TRAPPC10: variants seen among roughly 807,000 people sequenced by gnomAD.
TRAPPC10 encodes trafficking protein particle complex subunit 10.
A neutral mutation model predicts 125.5 loss-of-function variants in TRAPPC10; 23 were observed. The ratio of observed to expected loss-of-function variants is 0.18; its 90% CI spans 0.13 to 0.26. TRAPPC10 has a LOEUF of 0.26. TRAPPC10 is among the 10% of genes least tolerant of loss of function. The probability of loss-of-function intolerance (pLI) is 1.00; values close to 1 mark genes in which losing one functional copy is unlikely to be tolerated. For synonymous variants in TRAPPC10, 509 were observed against 518.0 expected (o/e 0.98, Z 0.24); for missense variants, 1,123 against 1,308.4 (o/e 0.86, Z 2.19).
intron 7 of TRAPPC10, among the ~76,000 whole-genome samples, chr21:44,067,869 C>T (rs1217874699): frequency 1.3e-5 from 2 of 152,094 alleles, no homozygotes; most frequent in Non-Finnish European, 2.9e-5. Flanking sequence ...AGCCTGTAAT[C>T]CTGGCACTTT....
At chr21:44,056,824 A>G (rs561775236) in intron 5 of TRAPPC10, among the ~76,000 whole-genome samples, 21 of 152,172 alleles carry the variant, frequency 1.4e-4, no homozygotes, top group African/African-American at 5.1e-4. Context: ...TGAAATTCCA[A>G]TGAGGGCTAT....
chr21:44,088,175 C>T, intron 17 of TRAPPC10: 1 of 542,438 alleles, frequency 1.8e-6, no homozygotes, highest in Non-Finnish European at 3.3e-6. Flanking sequence ...AGGGAGTTTG[C>T]TGTAAGAGGT....
intron 7 of TRAPPC10, among the ~76,000 whole-genome samples, chr21:44,067,604 T>C (rs897200033): frequency 6.6e-6 from 1 of 151,406 alleles, no homozygotes; most frequent in Non-Finnish European, 1.5e-5. Flanking sequence ...GGGATGGGGG[T>C]GCACATAAAT....
intron 1 of TRAPPC10, among the ~76,000 whole-genome samples, chr21:44,018,370 CT>C (rs58479261): frequency 0.035 from 5,353 of 151,858 alleles, 322 homozygotes; most frequent in African/African-American, 0.12. Flanking sequence ...GTACCTCACA[CT>C]GCAACCTGGG....
chr21:44,032,180 T>G lies in TRAPPC10; in HGVS notation c.149+8T>G. ...ACCAATGGAATGGAGAAGGTATGAG[T>G]TGTGTGTTTTTTGGCTGTATCCCTC... On this transcript the variant is annotated splice_region_variant and intron_variant, in intron 2 of 22. Transcript: ENST00000291574. 6.2e-7 allele frequency: 1 copy of G among 1,610,392 alleles called. No homozygotes were observed. The highest frequency in any genetic ancestry group is 8.5e-7 in the Non-Finnish European group (1 of 1,178,376).
chr21:44,060,913 CAT>C (rs1196024607), intron 6 of TRAPPC10, among the ~76,000 whole-genome samples: 19 of 116,214 alleles, frequency 1.6e-4, no homozygotes, highest in Middle Eastern at 8.4e-3. Flanking sequence ...TACATACATA[CAT>C]ACACACACAC....
chr21:44,036,620 C>G (rs1375513096), intron 2 of TRAPPC10, among the ~76,000 whole-genome samples: 1 of 152,146 alleles, frequency 6.6e-6, no homozygotes, highest in East Asian at 1.9e-4. Flanking sequence ...TTTCAGACAT[C>G]TATAAGAACA....
chr21:44,041,827 A>G (rs1432017912), intron 3 of TRAPPC10, among the ~76,000 whole-genome samples: 3 of 151,978 alleles, frequency 2.0e-5, no homozygotes, highest in Non-Finnish European at 4.4e-5. Flanking sequence ...CCCAGGTCCA[A>G]GTGATTCTTC....
At chr21:44,061,282 G>A (rs1478552136) in intron 6 of TRAPPC10, among the ~76,000 whole-genome samples, 2 of 152,114 alleles carry the variant, frequency 1.3e-5, no homozygotes, top group East Asian at 3.9e-4. Context: ...GACTACAGGT[G>A]CCCGCCACCA....
At position 44,074,319 on chromosome 21, in the gene TRAPPC10, C is replaced by A. The variant is rs557906343; in HGVS notation, c.1039-5C>A. 1 of 1,613,820 alleles carries A rather than the reference C, an allele frequency of 6.2e-7. No homozygotes were observed. The highest frequency in any genetic ancestry group is 1.1e-5 in the South Asian group (1 of 91,052). On this transcript the variant is annotated splice_polypyrimidine_tract_variant and splice_region_variant and intron_variant, in intron 7 of 22. Transcript: ENST00000291574. Reference sequence around the variant, plus strand: ...CCTCACACGTTCGCATTTGCACCCCCACAGGTCTCTGTCCCACCTGGTGCT... The same window carrying A: ...CCTCACACGTTCGCATTTGCACCCCAACAGGTCTCTGTCCCACCTGGTGCT...
At chr21:44,014,739 A>G (rs1366243635) in intron 1 of TRAPPC10, among the ~76,000 whole-genome samples, 1 of 152,052 alleles carries the variant, frequency 6.6e-6, no homozygotes, top group African/African-American at 2.4e-5. Context: ...CAAGCAACAT[A>G]GTGAATGTTA....
At chr21:44,040,547 A>C (rs984912769) in intron 3 of TRAPPC10, among the ~76,000 whole-genome samples, 3 of 152,088 alleles carry the variant, frequency 2.0e-5, no homozygotes, top group African/African-American at 7.2e-5. Context: ...CATGTTGGAC[A>C]GGCTGGTCTT....
chr21:44,074,075 G>A (rs955087891), intron 7 of TRAPPC10, among the ~76,000 whole-genome samples: 1 of 152,142 alleles, frequency 6.6e-6, no homozygotes, highest in Admixed American at 6.5e-5. Flanking sequence ...ATAATTGAAA[G>A]TTATACATAA....
In TRAPPC10 at chr21:44,084,862, C is replaced by T. The variant is rs560778649; in HGVS notation, c.2380+599C>T. Among the ~76,000 whole-genome samples, 3 of 152,330 alleles carry T rather than the reference C, an allele frequency of 2.0e-5. No homozygotes were observed. In the South Asian group the frequency reaches 6.2e-4, roughly 32 times the overall value. ...GAACAGCTCACAGAACTCAGGGAAA[C>T]AGGTTGACTGGATTATTATAAGGGA... On this transcript the variant is annotated intron_variant, in intron 15 of 22. Transcript: ENST00000291574.
intron 7 of TRAPPC10, among the ~76,000 whole-genome samples, chr21:44,064,655 G>A (rs1417658218): frequency 1.3e-5 from 2 of 152,188 alleles, no homozygotes; most frequent in Admixed American, 6.5e-5. Flanking sequence ...GGTCTGAAGA[G>A]TATAAGCCAT....
At position 44,084,126 on chromosome 21, in the gene TRAPPC10, A is replaced by T; in HGVS notation, c.2243A>T (p.Lys748Met). 1 of 1,613,694 alleles carries T rather than the reference A, an allele frequency of 6.2e-7. No homozygotes were observed. Among genetic ancestry groups the T allele is most frequent in the South Asian group, 1.1e-5 (1 of 90,996 alleles). ...ANQITFRTQAKEPGTYTLRQL... is the reference protein window; with the variant it reads ...ANQITFRTQAMEPGTYTLRQL... ...TGCCTGATTCTTTGACTCTAGGCCA[A>T]GGAACCTGGAACGTATACACTCAGG... The change falls in exon 15 of 23, where the codon AAG becomes ATG. Residue 748 changes from lysine to methionine, a missense_variant. Physicochemically the swap from Lys to Met is moderately conservative, Grantham distance 95. Around this residue, in one of 4 missense-constraint regions of TRAPPC10, gnomAD observed 840 missense variants for 902.0 expected, o/e 0.93. Coordinates refer to ENST00000291574, the MANE Select transcript of TRAPPC10 (RefSeq NM_003274.5).
chr21:44,051,731 C>G (rs1324870093), intron 3 of TRAPPC10, among the ~76,000 whole-genome samples: 1 of 152,256 alleles, frequency 6.6e-6, no homozygotes, highest in African/African-American at 2.4e-5. Flanking sequence ...TTGCCTCTGA[C>G]ACGGCCTTCG....
chr21:44,029,076 T>C (rs1473897386), intron 1 of TRAPPC10, among the ~76,000 whole-genome samples: 3 of 152,222 alleles, frequency 2.0e-5, no homozygotes, highest in African/African-American at 7.2e-5. Flanking sequence ...ACTTAAGCTG[T>C]TCACCATCTT....
At chr21:44,089,069 A>G in intron 17 of TRAPPC10, 1 of 192,904 alleles carries the variant, frequency 5.2e-6, no homozygotes, top group African/African-American at 3.0e-5. Flanking sequence ...GTGCCGTGTT[A>G]TCCTCTCTTC....
Sources: gnomAD v4.1 joint callset for allele counts (sites outside exome capture counted in the v4.1 genomes callset) on GRCh38, gnomAD v4.1.1 for gene constraint, gnomAD v4.1.1 regional missense constraint, MANE v1.5 for transcripts, NCBI Gene and HGNC (gene_info 2026-07-23, HGNC 2026-07-21) for gene names.